The following ITSN2 variants were observed in gnomAD, a reference collection of about 807,000 sequenced individuals.
The protein encoded by ITSN2 is intersectin 2, also known as intersectin-2.
In ITSN2, 156 loss-of-function variants were observed where a neutral mutation model predicts 243.7. The ratio of observed to expected loss-of-function variants is 0.64; its 90% CI spans 0.56 to 0.73. The LOEUF is 0.73. Among genes scored for constraint, ITSN2 ranks in the 30% least tolerant of loss-of-function variants. The probability of loss-of-function intolerance (pLI) is 0.00; values close to 1 mark genes in which losing one functional copy is unlikely to be tolerated. For synonymous variants in ITSN2, 703 were observed against 699.9 expected (o/e 1.00, Z -0.07); for missense variants, 1,801 against 1,996.1 (o/e 0.90, Z 1.86).
chr2:24,204,912 C>T lies in ITSN2; in HGVS notation c.4762+302G>A, dbSNP rs1244341542. On this transcript the variant is annotated intron_variant, in intron 38 of 39. Coordinates refer to ENST00000355123, the MANE Select transcript of ITSN2 (RefSeq NM_006277.3). This position sits in a 1 kb window ranked among gnomAD's most constrained non-coding sequence, Gnocchi z 5.1. ...CTGTAATCCCAGCACTTTGGGAGGC[C>T]GAGGCGGGCAGATCACTTGAGGTCA... The T allele has an allele frequency of 3.5e-5, 13 of 374,346 alleles. No individual in the cohort carries two copies. The highest frequency in any genetic ancestry group is 2.1e-4 in the East Asian group (3 of 14,210). The allele number at this position is 374,346 out of a possible 1,614,324, so 23.2% of individuals were successfully genotyped here. A position where few individuals can be genotyped will look rare whatever the true frequency, so the allele number is the denominator to read the frequency against.
rs1484766407 is a variant in ITSN2, at chr2:24,211,017, A to T, written c.4090-70T>A. 1 of 1,462,072 alleles carries T rather than the reference A, an allele frequency of 6.8e-7. No homozygotes were observed. Among genetic ancestry groups the T allele is most frequent in the African/African-American group, 1.4e-5 (1 of 72,000 alleles). 90.6% of individuals were successfully genotyped at this position (1,462,072 alleles called of 1,614,324 possible). On this transcript the variant is annotated intron_variant, in intron 33 of 39. Coordinates refer to ENST00000355123, the MANE Select transcript of ITSN2 (RefSeq NM_006277.3). The surrounding 1 kb of genome is among the most constrained non-coding windows in gnomAD (Gnocchi z 4.1). ...ACCTGCCCACCTGGACCTTCGCAGG[A>T]CCGCTCCTCCAACCCCATGTTATGG...
intron 2 of ITSN2, among the ~76,000 whole-genome samples, chr2:24,318,135 T>A (rs1408875259): frequency 6.6e-6 from 1 of 152,110 alleles, no homozygotes; most frequent in African/African-American, 2.4e-5. Context: ...TTGAAACTAA[T>A]CTGTGTCATG....
At position 24,313,473 on chromosome 2, in the gene ITSN2, A is replaced by C; in HGVS notation, c.175T>G (p.Leu59Val). ...FLQSGLPAPVLAEIWALSDLN... is the reference protein window; with the variant it reads ...FLQSGLPAPVVAEIWALSDLN... Reference sequence around the variant, plus strand: ...AAAACACTTTACCATATTTCAGCTAAAACAGGGGCCGGCAGACCTGATTGT... The same window carrying C: ...AAAACACTTTACCATATTTCAGCTACAACAGGGGCCGGCAGACCTGATTGT... Residue 59 changes from leucine (L) to valine (V), a missense_variant, in exon 4 of 40, where the codon TTA (leucine) becomes GTA (valine). Around this residue, in one of 5 missense-constraint regions of ITSN2, gnomAD observed 77 missense variants for 90.1 expected, o/e 0.85. Coordinates refer to ENST00000355123, the MANE Select transcript of ITSN2 (RefSeq NM_006277.3). The C allele has an allele frequency of 6.2e-7, 1 of 1,613,368 alleles. No individual in the cohort carries two copies. Among genetic ancestry groups the C allele is most frequent in the Non-Finnish European group, 8.5e-7 (1 of 1,179,634 alleles).
chr2:24,262,658 T>C (rs1435144379), intron 20 of ITSN2, among the ~76,000 whole-genome samples: 1 of 152,208 alleles, frequency 6.6e-6, no homozygotes, highest in Non-Finnish European at 1.5e-5. Flanking sequence ...CTTACTCCTA[T>C]AGTTTGATCA....
intron 4 of ITSN2, 81 bp downstream of exon 4, chr2:24,313,379 A>G: frequency 1.7e-6 from 2 of 1,195,172 alleles, no homozygotes; most frequent in Non-Finnish European, 2.4e-6. Context: ...GAATGCAACT[A>G]AAAACAATTT....
chr2:24,246,978 T>C (rs1573993277), intron 27 of ITSN2, 85 bp from the exon 28 acceptor site: 3 of 928,802 alleles, frequency 3.2e-6, no homozygotes, highest in East Asian at 2.5e-5. Flanking sequence ...AGAAAAACCA[T>C]AAATGTGTAG....
chr2:24,203,951 G>T (rs745656360), intron 39 of ITSN2, 168 bp from the exon 40 acceptor site: 21 of 690,182 alleles, frequency 3.0e-5, no homozygotes, highest in Non-Finnish European at 5.0e-5. Flanking sequence ...ATGATGGCAG[G>T]TTTGTGTGTG....
At chr2:24,247,185 T>C (rs936801855) in intron 27 of ITSN2, among the ~76,000 whole-genome samples, 33 of 152,138 alleles carry the variant, frequency 2.2e-4, no homozygotes, top group African/African-American at 8.0e-4. Context: ...GGATGGAGAC[T>C]GAGTTCAGAA....
At chr2:24,311,354 T>C (rs1208092783) in intron 5 of ITSN2, among the ~76,000 whole-genome samples, 3 of 152,200 alleles carry the variant, frequency 2.0e-5, no homozygotes, top group Non-Finnish European at 2.9e-5. Flanking sequence ...TTCACTAAAA[T>C]AGTGAAATAA....
intron 18 of ITSN2, among the ~76,000 whole-genome samples, chr2:24,273,227 C>A (rs1033102402): frequency 1.6e-4 from 24 of 152,136 alleles, no homozygotes. Context: ...GTTCACTAGC[C>A]CATTTACTAG....
At chr2:24,341,951 A>C (rs1297677885) in intron 1 of ITSN2, among the ~76,000 whole-genome samples, 1 of 152,024 alleles carries the variant, frequency 6.6e-6, no homozygotes, top group Non-Finnish European at 1.5e-5. Flanking sequence ...ATTTTTAGAC[A>C]AAAAAAAGAA....
intron 29 of ITSN2, among the ~76,000 whole-genome samples, chr2:24,226,787 T>G (rs1022146383): frequency 2.0e-5 from 3 of 152,202 alleles, no homozygotes; most frequent in African/African-American, 7.2e-5. Context: ...TCAATATTAC[T>G]GTAGAAAAAT....
intron 1 of ITSN2, among the ~76,000 whole-genome samples, chr2:24,331,698 T>C (rs1685805121): frequency 6.6e-6 from 1 of 152,168 alleles, no homozygotes; most frequent in Non-Finnish European, 1.5e-5. Context: ...CCCCCAATCA[T>C]TAGTTACCAG....
intron 39 of ITSN2, 125 bp from the exon 40 acceptor site, chr2:24,203,908 G>GA: frequency 9.6e-7 from 1 of 1,041,306 alleles, no homozygotes; most frequent in Non-Finnish European, 1.4e-6. Context: ...TTTGGCTCAT[G>GA]GCTGTTGAAT....
rs1673747782 is a variant in ITSN2 at position 24,248,868 on chromosome 2, A to G, written c.3135T>C (p.Ala1045=). The G allele has an allele frequency of 6.2e-7, 1 of 1,613,714 alleles. No homozygotes were observed. The highest frequency in any genetic ancestry group is 1.1e-5 in the South Asian group (1 of 91,060). ...TTTTATTTGATGCTCCAGACTTGCTAGCACTCCCAAAACTCTACAAGGAAA... is the reference window on the plus strand; with the variant it reads ...TTTTATTTGATGCTCCAGACTTGCTGGCACTCCCAAAACTCTACAAGGAAA... ...KPKDQESFGS[A]SKSGASNKKP... is the part of the protein sequence containing the mutation. The change falls in exon 26 of 40, where the codon GCT becomes GCC. Residue 1045 remains alanine, a synonymous_variant. Transcript: ENST00000355123.
chr2:24,270,648 TAAAAA>T lies in ITSN2; in HGVS notation c.2355+18_2355+22del, dbSNP rs752892600. The T allele has an allele frequency of 8.8e-7, 1 of 1,133,840 alleles. No individual in the cohort carries two copies. Among genetic ancestry groups the T allele is most frequent in the East Asian group, 2.5e-5 (1 of 40,352 alleles). The allele number at this position is 1,133,840 out of a possible 1,614,324, so 70.2% of individuals were successfully genotyped here. ...ACAATGTATTTAGGTTATTCATGATTAAAAAAAAAATTCATTTCCTACCTGAATTA... is the reference window on the plus strand; with the variant it reads ...ACAATGTATTTAGGTTATTCATGATTAAAAATTCATTTCCTACCTGAATTA... On this transcript the variant is annotated intron_variant, in intron 20 of 39. Transcript: ENST00000355123.
chr2:24,282,871 T>C (rs1678971815), intron 17 of ITSN2, among the ~76,000 whole-genome samples: 1 of 152,216 alleles, frequency 6.6e-6, no homozygotes, highest in Admixed American at 6.5e-5. Context: ...TTTTATCTAA[T>C]CCTTTAATCT....
chr2:24,261,534 AAACTT>A (rs769525805), intron 21 of ITSN2, 22 bp downstream of exon 21: 1 of 1,553,024 alleles, frequency 6.4e-7, no homozygotes, highest in African/African-American at 1.4e-5. Flanking sequence ...AGATCTATAT[AAACTT>A]TACTGTTAGC....
intron 29 of ITSN2, among the ~76,000 whole-genome samples, chr2:24,229,667 G>A (rs1349240885): frequency 6.6e-6 from 1 of 152,136 alleles, no homozygotes; most frequent in African/African-American, 2.4e-5. Flanking sequence ...AATGTTTACT[G>A]AATGTAGCTG....
Sources: gnomAD v4.1 joint callset for allele counts (sites outside exome capture counted in the v4.1 genomes callset) on GRCh38, gnomAD v4.1.1 for gene constraint, gnomAD v4.1.1 regional missense constraint, Gnocchi (gnomAD v3.1) non-coding constraint, MANE v1.5 for transcripts, NCBI Gene and HGNC (gene_info 2026-07-23, HGNC 2026-07-21) for gene names.